EGFR: variants seen among roughly 807,000 people sequenced by gnomAD.
The protein encoded by EGFR is epidermal growth factor receptor.
In EGFR, 58 loss-of-function variants were observed where a neutral mutation model predicts 143.0. That is an observed-to-expected ratio of 0.41 (90% CI 0.33 to 0.50). The LOEUF (loss-of-function observed/expected upper bound fraction) is 0.50. EGFR is among the 20% of genes least tolerant of loss of function. EGFR has a pLI of 0.39. For synonymous variants in EGFR, 613 were observed against 594.4 expected (o/e 1.03, Z -0.45); for missense variants, 1,307 against 1,579.0 (o/e 0.83, Z 2.92).
chr7:55,185,754 G>T (rs893117955), intron 20 of EGFR, among the ~76,000 whole-genome samples: 1 of 152,170 alleles, frequency 6.6e-6, no homozygotes, highest in Admixed American at 6.5e-5. Context: ...GTGGGGCAGG[G>T]TTCTCAGAAT....
At chr7:55,161,911 T>C (rs886312302) in intron 13 of EGFR, among the ~76,000 whole-genome samples, 3 of 152,240 alleles carry the variant, frequency 2.0e-5, no homozygotes, top group African/African-American at 7.2e-5. Flanking sequence ...TTTTCTAAGC[T>C]ACAAAAAGTT....
chr7:55,195,549 C>T, intron 22 of EGFR, among the ~76,000 whole-genome samples: 1 of 152,088 alleles, frequency 6.6e-6, no homozygotes, highest in East Asian at 1.9e-4. Context: ...TTCAGGGGTA[C>T]ATGTGCAGGT....
intron 1 of EGFR, among the ~76,000 whole-genome samples, chr7:55,114,181 A>G (rs905580612): frequency 7.2e-5 from 11 of 152,244 alleles, no homozygotes; most frequent in African/African-American, 2.7e-4. Flanking sequence ...GATTATTAAT[A>G]TATTAGTGTG....
At chr7:55,022,248 T>C (rs1004261109) in intron 1 of EGFR, among the ~76,000 whole-genome samples, 1 of 152,168 alleles carries the variant, frequency 6.6e-6, no homozygotes, top group Admixed American at 6.5e-5. Context: ...GAAGGGACAC[T>C]GGAAAGTATT....
At chr7:55,044,987 A>G (rs907506172) in intron 1 of EGFR, among the ~76,000 whole-genome samples, 1 of 152,212 alleles carries the variant, frequency 6.6e-6, no homozygotes, top group African/African-American at 2.4e-5. Context: ...TGATGCAGAC[A>G]TTCCGGCCAT....
At chr7:55,168,766 T>C in intron 15 of EGFR, 1 of 554,232 alleles carries the variant, frequency 1.8e-6, no homozygotes, top group Non-Finnish European at 3.0e-6. Context: ...AGCCATTAAT[T>C]ATATAGGAAT....
At chr7:55,177,160 C>T (rs188955323) in intron 19 of EGFR, among the ~76,000 whole-genome samples, 1 of 152,160 alleles carries the variant, frequency 6.6e-6, no homozygotes, top group African/African-American at 2.4e-5. Flanking sequence ...TGGAGTGTTC[C>T]CTGAAGCCTG....
chr7:55,090,414 C>A (rs1393701933), intron 1 of EGFR, among the ~76,000 whole-genome samples: 2 of 152,224 alleles, frequency 1.3e-5, no homozygotes, highest in African/African-American at 2.4e-5. Context: ...CCTCGGGCCC[C>A]TTCCCAGACC....
chr7:55,019,834 C>A (rs543520108), intron 1 of EGFR, among the ~76,000 whole-genome samples: 14 of 152,312 alleles, frequency 9.2e-5, no homozygotes, highest in African/African-American at 3.4e-4. Context: ...GCCGAGACTG[C>A]ACTGTTTAGG....
chr7:55,041,441 A>C (rs989489014), intron 1 of EGFR, among the ~76,000 whole-genome samples: 3 of 152,148 alleles, frequency 2.0e-5, no homozygotes, highest in Admixed American at 1.3e-4. Context: ...GTTTTACATA[A>C]AAACGTGGAG....
chr7:55,179,049 G>A lies in EGFR; in HGVS notation c.2284-2244G>A, dbSNP rs147172064. Among the ~76,000 whole-genome samples, 102 of 152,330 alleles carry A rather than the reference G, an allele frequency of 6.7e-4. 2 individuals carry two copies. The South Asian group carries it at 0.01, about 15-fold the overall frequency. ...ACGTACTTGCCAACAGATACGGGGC[G>A]GAGACTTGAGTCAACGTAAGAGCAA... On this transcript the variant is annotated intron_variant, in intron 19 of 27. Coordinates refer to ENST00000275493, the MANE Select transcript of EGFR (RefSeq NM_005228.5).
At chr7:55,134,118 G>C (rs1319490147) in intron 1 of EGFR, among the ~76,000 whole-genome samples, 1 of 152,134 alleles carries the variant, frequency 6.6e-6, no homozygotes, top group Non-Finnish European at 1.5e-5. Context: ...AATGTCCCCT[G>C]CTCAGGAGTC....
At position 55,161,646 on chromosome 7, in the gene EGFR, C is replaced by T. The variant is rs753761347; in HGVS notation, c.1631+15C>T. On this transcript the variant is annotated intron_variant, in intron 13 of 27. Transcript: ENST00000275493. ...CTTCTGGAGGGGTAGGAGGTTATTT[C>T]TTTAATCCCCTTGCGTTGATCAAAA... 1.9e-6 allele frequency: 3 copies of T among 1,614,210 alleles called. No homozygotes were observed. The Admixed American group carries it at 5.0e-5, about 27-fold the overall frequency.
intron 1 of EGFR, among the ~76,000 whole-genome samples, chr7:55,029,138 G>C (rs1014238174): frequency 2.0e-5 from 3 of 152,120 alleles, no homozygotes; most frequent in African/African-American, 7.2e-5. Flanking sequence ...CAGCCTAGGC[G>C]ACAGAGCAAG....
intron 1 of EGFR, among the ~76,000 whole-genome samples, chr7:55,056,521 A>T (rs1300165976): frequency 6.6e-6 from 1 of 152,228 alleles, no homozygotes; most frequent in East Asian, 1.9e-4. Flanking sequence ...AGAATTCTGC[A>T]TGGTGGCTTT....
intron 1 of EGFR, among the ~76,000 whole-genome samples, chr7:55,033,802 C>T (rs1232004638): frequency 6.6e-6 from 1 of 152,224 alleles, no homozygotes; most frequent in Non-Finnish European, 1.5e-5. Flanking sequence ...CACCAACCCT[C>T]ACTTTGCTTC....
At chr7:55,187,658 G>T (rs1787200679) in intron 20 of EGFR, among the ~76,000 whole-genome samples, 1 of 152,240 alleles carries the variant, frequency 6.6e-6, no homozygotes, top group South Asian at 2.1e-4. Flanking sequence ...TTTTTAGGGA[G>T]CTCAAGGCCA....
At chr7:55,097,699 C>G (rs1791562008) in intron 1 of EGFR, among the ~76,000 whole-genome samples, 1 of 152,158 alleles carries the variant, frequency 6.6e-6, no homozygotes, top group South Asian at 2.1e-4. Context: ...CCTGCAGCCA[C>G]CCAGGGAAGG....
chr7:55,200,095 G>T (rs919885557), intron 23 of EGFR, among the ~76,000 whole-genome samples: 3 of 152,134 alleles, frequency 2.0e-5, no homozygotes, highest in Non-Finnish European at 4.4e-5. Context: ...AAACTAGAGG[G>T]CATTATTGTT....
Sources: gnomAD v4.1 joint callset for allele counts (sites outside exome capture counted in the v4.1 genomes callset) on GRCh38, gnomAD v4.1.1 for gene constraint, MANE v1.5 for transcripts, NCBI Gene and HGNC (gene_info 2026-07-23, HGNC 2026-07-21) for gene names.